Variants in SNX29 observed in about 807,000 individuals in gnomAD.
SNX29 encodes the protein sorting nexin-29.
In SNX29, 78 loss-of-function variants were observed where a neutral mutation model predicts 102.1. That is an observed-to-expected ratio of 0.76 (90% CI 0.64 to 0.92). SNX29 has a LOEUF of 0.92. Among genes scored for constraint, SNX29 ranks in the 40% least tolerant of loss-of-function variants. The probability of loss-of-function intolerance (pLI) is 0.00; values close to 1 mark genes in which losing one functional copy is unlikely to be tolerated. For missense variants in SNX29, 1,280 were observed against 1,061.7 expected (o/e 1.21, Z -2.86); for synonymous variants, 580 against 414.5 (o/e 1.40, Z -4.85).
intron 20 of SNX29, among the ~76,000 whole-genome samples, chr16:12,547,190 G>A (rs939961318): frequency 6.6e-6 from 1 of 152,204 alleles, no homozygotes; most frequent in Admixed American, 6.5e-5. Context: ...AAGATGACAG[G>A]GATAGTTTGA....
chr16:11,979,309 C>T (rs891507407), intron 1 of SNX29, among the ~76,000 whole-genome samples: 14 of 133,612 alleles, frequency 1.0e-4, no homozygotes, highest in Non-Finnish European at 1.9e-4. Context: ...ATCGTTACAT[C>T]TAAAGCCAAA....
chr16:12,275,316 G>C (rs1464642058), intron 14 of SNX29, among the ~76,000 whole-genome samples: 2 of 152,030 alleles, frequency 1.3e-5, no homozygotes, highest in Non-Finnish European at 2.9e-5. Context: ...AAGAAGAATG[G>C]GAGAAACTCA....
intron 14 of SNX29, among the ~76,000 whole-genome samples, chr16:12,251,391 A>T (rs1336456998): frequency 6.6e-6 from 1 of 152,194 alleles, no homozygotes; most frequent in Non-Finnish European, 1.5e-5. Context: ...TACCTTTATG[A>T]TGCACAAGCC....
Position 12,078,900 on chromosome 16 carries a change from G to C in SNX29, c.1387G>C (p.Glu463Gln), listed in dbSNP as rs1214764083. ...SSLLPSASVPESMTISELRQA... is the reference protein window; with the variant it reads ...SSLLPSASVPQSMTISELRQA... ...CCTGTTACCTTCTGCCTCAGTGCCA[G>C]AGTCCATGACAATTAGTAAGTACTT... Residue 463 changes from glutamate to glutamine, a missense_variant, in exon 11 of 21, where the codon GAG (glutamate) becomes CAG (glutamine). Glu to Gln is a conservative substitution (Grantham distance 29). Coordinates refer to ENST00000566228, the MANE Select transcript of SNX29 (RefSeq NM_032167.5). 6.2e-7 allele frequency: 1 copy of C among 1,604,208 alleles called. No homozygotes were observed. Among genetic ancestry groups the C allele is most frequent in the Non-Finnish European group, 8.5e-7 (1 of 1,175,568 alleles).
intron 13 of SNX29, among the ~76,000 whole-genome samples, chr16:12,197,689 G>C (rs1290278787): frequency 6.6e-6 from 1 of 152,234 alleles, no homozygotes; most frequent in Non-Finnish European, 1.5e-5. Context: ...TCATGTCACA[G>C]ATGGAGAAAG....
chr16:12,438,500 C>A (rs2085643437), intron 18 of SNX29, among the ~76,000 whole-genome samples: 1 of 152,146 alleles, frequency 6.6e-6, no homozygotes. Context: ...TGATCTCAAC[C>A]TCTGTCCAAG....
intron 19 of SNX29, among the ~76,000 whole-genome samples, chr16:12,487,350 A>T (rs1244765759): frequency 6.6e-6 from 1 of 152,228 alleles, no homozygotes; most frequent in Non-Finnish European, 1.5e-5. Flanking sequence ...CATGTACACT[A>T]ACACCAGCCA....
chr16:12,247,064 A>C (rs1297006301), intron 14 of SNX29, among the ~76,000 whole-genome samples: 1 of 152,164 alleles, frequency 6.6e-6, no homozygotes, highest in Non-Finnish European at 1.5e-5. Context: ...TTATCCTAAG[A>C]AAGATAGAAA....
At chr16:12,539,985 C>G (rs547395926) in intron 20 of SNX29, among the ~76,000 whole-genome samples, 8 of 152,208 alleles carry the variant, frequency 5.3e-5, no homozygotes, top group Non-Finnish European at 1.0e-4. Flanking sequence ...TTCTTCTAGT[C>G]TTCAGCTTCT....
intron 15 of SNX29, among the ~76,000 whole-genome samples, chr16:12,293,376 C>T (rs189106916): frequency 2.0e-5 from 3 of 152,340 alleles, no homozygotes; most frequent in East Asian, 1.9e-4. Context: ...GACGTCTGGA[C>T]CCAGTTCTGA....
intron 18 of SNX29, among the ~76,000 whole-genome samples, chr16:12,418,345 T>A (rs2084728731): frequency 6.6e-6 from 1 of 151,772 alleles, no homozygotes; most frequent in African/African-American, 2.4e-5. Context: ...ATGTAGGATG[T>A]TCATGTTGAC....
chr16:12,115,485 T>TTGTGTGTGTGTGTGTGTG (rs3222983), intron 11 of SNX29, among the ~76,000 whole-genome samples: 26 of 141,966 alleles, frequency 1.8e-4, no homozygotes, highest in South Asian at 4.7e-4. Context: ...CCACCTTGAT[T>TTGTGTGTGTGTGTGTGTG]TGTGTGTGTG....
chr16:12,565,109 G>A (rs977302708), intron 20 of SNX29, among the ~76,000 whole-genome samples: 1 of 149,992 alleles, frequency 6.7e-6, no homozygotes, highest in Admixed American at 6.6e-5. Context: ...TCTGAGTACT[G>A]GCCCTAGTCT....
intron 1 of SNX29, 83 bp from the exon 2 acceptor site, chr16:11,999,214 G>C (rs994485622): frequency 7.9e-7 from 1 of 1,258,236 alleles, no homozygotes; most frequent in African/African-American, 1.5e-5. Flanking sequence ...TTTTGTTAAA[G>C]ATCAGTAGGA....
chr16:12,298,246 T>C (rs1473167779), intron 15 of SNX29, among the ~76,000 whole-genome samples: 5 of 152,176 alleles, frequency 3.3e-5, no homozygotes, highest in Non-Finnish European at 5.9e-5. Context: ...GCTCAGTGAA[T>C]AACTGAGCAA....
chr16:12,389,402 A>C (rs1191991898), intron 16 of SNX29, among the ~76,000 whole-genome samples: 1 of 152,104 alleles, frequency 6.6e-6, no homozygotes, highest in Non-Finnish European at 1.5e-5. Context: ...GTAGTGATTA[A>C]GTCTCATGAG....
At chr16:12,538,850 G>A (rs1050261557) in intron 20 of SNX29, among the ~76,000 whole-genome samples, 4 of 152,178 alleles carry the variant, frequency 2.6e-5, no homozygotes, top group East Asian at 1.9e-4. Context: ...GGCAAAGAGG[G>A]GCACAGAGAA....
chr16:12,447,349 G>A (rs1769213788), intron 18 of SNX29, among the ~76,000 whole-genome samples: 1 of 152,076 alleles, frequency 6.6e-6, no homozygotes, highest in Non-Finnish European at 1.5e-5. Flanking sequence ...AAGTATACAT[G>A]ATGGATTTTT....
rs533015853 is a variant in SNX29 at position 12,569,889 on chromosome 16, T to C, written c.*1260T>C. On this transcript the variant is annotated 3_prime_UTR_variant, in exon 21 of 21. Coordinates refer to ENST00000566228, the MANE Select transcript of SNX29 (RefSeq NM_032167.5). ...CTATGCAAGAGTAAGTTTGTGTGTTTCGCCTTAATCTGAGGCAGAGACACA... is the reference window on the plus strand; with the variant it reads ...CTATGCAAGAGTAAGTTTGTGTGTTCCGCCTTAATCTGAGGCAGAGACACA... 4.6e-4 allele frequency: 107 copies of C among 231,566 alleles called. 1 individual carries two copies. The highest frequency in any genetic ancestry group is 2.1e-3 in the African/African-American group (95 of 45,224). 14.3% of individuals were successfully genotyped at this position (231,566 alleles called of 1,614,324 possible).
Sources: gnomAD v4.1 joint callset for allele counts (sites outside exome capture counted in the v4.1 genomes callset) on GRCh38, gnomAD v4.1.1 for gene constraint, MANE v1.5 for transcripts, NCBI Gene and HGNC (gene_info 2026-07-23, HGNC 2026-07-21) for gene names.